BAG3: variants seen among roughly 807,000 people sequenced by gnomAD.
The protein encoded by BAG3 is BAG family molecular chaperone regulator 3.
A neutral mutation model predicts 40.5 loss-of-function variants in BAG3; 14 were observed. That is an observed-to-expected ratio of 0.35 (90% CI 0.23 to 0.54). The LOEUF (loss-of-function observed/expected upper bound fraction) is 0.54. Among genes scored for constraint, BAG3 ranks in the 20% least tolerant of loss-of-function variants. BAG3 has a pLI of 0.91. For synonymous variants in BAG3, 302 were observed against 307.8 expected (o/e 0.98, Z 0.20); for missense variants, 788 against 758.6 (o/e 1.04, Z -0.46).
intron 1 of BAG3, among the ~76,000 whole-genome samples, chr10:119,668,071 A>AGCAG (rs1324704090): frequency 6.6e-6 from 1 of 152,240 alleles, no homozygotes; most frequent in East Asian, 1.9e-4. Flanking sequence ...CTGAGAGTTA[A>AGCAG]GCAGGCTAAT....
In BAG3 at chr10:119,677,365, CA is replaced by C; in HGVS notation, c.*84del. 6.4e-7 allele frequency: 1 copy of C among 1,567,806 alleles called. No homozygotes were observed. Among genetic ancestry groups the C allele is most frequent in the Non-Finnish European group, 8.7e-7 (1 of 1,148,478 alleles). On this transcript the variant is annotated 3_prime_UTR_variant, in exon 4 of 4. Coordinates refer to ENST00000369085, the MANE Select transcript of BAG3 (RefSeq NM_004281.4). ...TGCATGCATTTCAGAGACTTTAAGT[CA>C]GTTGGTTTTTATTAGCTGCTTGGTA...
intron 1 of BAG3, among the ~76,000 whole-genome samples, chr10:119,665,142 A>ATTTTT (rs1366963228): frequency 1.1e-5 from 1 of 87,828 alleles, no homozygotes; most frequent in Non-Finnish European, 2.2e-5. Context: ...ATATATATAT[A>ATTTTT]TATTTTTTTT....
At chr10:119,675,565 C>A (rs528477273) in intron 3 of BAG3, among the ~76,000 whole-genome samples, 1 of 152,038 alleles carries the variant, frequency 6.6e-6, no homozygotes, top group African/African-American at 2.4e-5. Flanking sequence ...AAAAGAAGAT[C>A]GTATCTTTTC....
intron 1 of BAG3, among the ~76,000 whole-genome samples, chr10:119,667,499 G>A (rs182240302): frequency 6.6e-6 from 1 of 152,276 alleles, no homozygotes; most frequent in Non-Finnish European, 1.5e-5. Flanking sequence ...CAAGCTCACA[G>A]AACTGTTAGA....
chr10:119,663,047 A>T (rs553373063), intron 1 of BAG3, among the ~76,000 whole-genome samples: 47 of 152,312 alleles, frequency 3.1e-4, no homozygotes, highest in Non-Finnish European at 6.2e-4. Flanking sequence ...GCACTGTACC[A>T]TGGAGCCAAG....
intron 1 of BAG3, among the ~76,000 whole-genome samples, chr10:119,652,133 C>G (rs981891257): frequency 1.3e-5 from 2 of 152,216 alleles, no homozygotes; most frequent in South Asian, 4.1e-4. Flanking sequence ...CCGTCCACGG[C>G]TCGACTCCAG....
chr10:119,656,378 CTT>C (rs34602155), intron 1 of BAG3, among the ~76,000 whole-genome samples: 39 of 126,850 alleles, frequency 3.1e-4, no homozygotes, highest in Middle Eastern at 4.4e-3. Context: ...AGCTGGCCTT[CTT>C]TTTTTTTTTT....
In BAG3 at chr10:119,675,761, T is replaced by TTCCTTCCCTCCTTCCCTCCTTCCC. The variant is rs148952976; in HGVS notation, c.910-684_910-683insTTCCCTCCTTCCCTCCTTCCCTCC. ...GCTATTTTTTTCCTTCTTTCCTTCC[T>TTCCTTCCCTCCTTCCCTCCTTCCC]TCCTTCCCTCCTTCCCTCCCCCTCC... On this transcript the variant is annotated intron_variant, in intron 3 of 3. Transcript: ENST00000369085. Among the ~76,000 whole-genome samples the TTCCTTCCCTCCTTCCCTCCTTCCC allele has an allele frequency of 5.4e-3, 438 of 81,252 alleles. 18 individuals are homozygous for TTCCTTCCCTCCTTCCCTCCTTCCC. Among genetic ancestry groups the TTCCTTCCCTCCTTCCCTCCTTCCC allele is most frequent in the East Asian group, 7.0e-3 (20 of 2,848 alleles). 53.3% of individuals were successfully genotyped at this position (81,252 alleles called of 152,430 possible).
At position 119,676,653 on chromosome 10, in the gene BAG3, C is replaced by G. The variant is rs778793737; in HGVS notation, c.1099C>G (p.Pro367Ala). ...PPSEKVEVKV[P>A]PAPVPCPPPS... ...CTCTGAGAAGGTAGAGGTGAAAGTT[C>G]CCCCTGCTCCAGTTCCTTGTCCTCC... The change falls in exon 4 of 4, where the codon CCC (proline) becomes GCC (alanine). Residue 367 changes from proline (P) to alanine (A), a missense_variant. Physicochemically the swap from Pro to Ala is conservative, Grantham distance 27. Coordinates refer to ENST00000369085, the MANE Select transcript of BAG3 (RefSeq NM_004281.4). 3 of 1,614,154 alleles carry G rather than the reference C, an allele frequency of 1.9e-6. No individual in the cohort carries two copies. In the South Asian group the frequency reaches 3.3e-5, roughly 18 times the overall value.
At chr10:119,665,363 A>G (rs1276701887) in intron 1 of BAG3, among the ~76,000 whole-genome samples, 1 of 151,404 alleles carries the variant, frequency 6.6e-6, no homozygotes, top group African/African-American at 2.4e-5. Flanking sequence ...GATGGTCTCC[A>G]TCTCCTGACC....
intron 1 of BAG3, among the ~76,000 whole-genome samples, chr10:119,655,306 C>A (rs193117498): frequency 4.6e-4 from 70 of 152,176 alleles, no homozygotes; most frequent in African/African-American, 1.4e-3. Context: ...GGGAGGTGGT[C>A]CAGAGATCTT....
At chr10:119,668,770 C>A (rs770571862) in intron 1 of BAG3, among the ~76,000 whole-genome samples, 1 of 152,186 alleles carries the variant, frequency 6.6e-6, no homozygotes, top group Non-Finnish European at 1.5e-5. Context: ...GGCTCTGTTG[C>A]GTTGAAGAAA....
intron 1 of BAG3, among the ~76,000 whole-genome samples, chr10:119,664,734 C>T (rs1452408595): frequency 5.3e-5 from 8 of 152,146 alleles, no homozygotes; most frequent in African/African-American, 1.9e-4. Flanking sequence ...TCTGGATGTG[C>T]TTGAACTTGA....
In BAG3 at chr10:119,651,696, G is replaced by T. The variant is rs1846841906; in HGVS notation, c.21G>T (p.Ser7=). 1 of 1,586,036 alleles carries T rather than the reference G, an allele frequency of 6.3e-7. No individual in the cohort carries two copies. The highest frequency in any genetic ancestry group is 8.6e-7 in the Non-Finnish European group (1 of 1,167,590). The change falls in exon 1 of 4, where the codon TCG becomes TCT. Residue 7 remains serine (S), a synonymous_variant. Coordinates refer to ENST00000369085, the MANE Select transcript of BAG3 (RefSeq NM_004281.4). ...CCAGCATGAGCGCCGCCACCCACTC[G>T]CCCATGATGCAGGTGGCGTCCGGCA... is the stretch of plus-strand genomic sequence containing the variant. MSAATH[S]PMMQVASGNG...
chr10:119,659,288 C>T lies in BAG3; in HGVS notation c.180+7433C>T, dbSNP rs577129151. Among the ~76,000 whole-genome samples the T allele has an allele frequency of 3.3e-5, 5 of 151,238 alleles. No homozygotes were observed. The South Asian group carries it at 1.0e-3, about 32-fold the overall frequency. On this transcript the variant is annotated intron_variant, in intron 1 of 3. Coordinates refer to ENST00000369085, the MANE Select transcript of BAG3 (RefSeq NM_004281.4). ...TCCACTGTGCTGTGTAGAGCGCTGG[C>T]TTTACTCAGCCTCAGCTCCTCAAGG...
intron 3 of BAG3, among the ~76,000 whole-genome samples, chr10:119,674,540 C>T (rs196334): frequency 0.54 from 82,543 of 152,038 alleles, 23,401 homozygotes; most frequent in Non-Finnish European, 0.64. Context: ...CCAAACTGAA[C>T]GTTATAGTGG....
chr10:119,658,690 A>G (rs745417917), intron 1 of BAG3, among the ~76,000 whole-genome samples: 7 of 152,140 alleles, frequency 4.6e-5, no homozygotes, highest in Non-Finnish European at 8.8e-5. Context: ...GTTAGCATCT[A>G]CCTGGCCTTA....
At chr10:119,654,376 G>C (rs550920919) in intron 1 of BAG3, among the ~76,000 whole-genome samples, 4 of 152,170 alleles carry the variant, frequency 2.6e-5, no homozygotes, top group South Asian at 2.1e-4. Flanking sequence ...CCTCTCTTTT[G>C]GGGGAGGACT....
At chr10:119,666,165 C>G (rs536773950) in intron 1 of BAG3, among the ~76,000 whole-genome samples, 1 of 152,214 alleles carries the variant, frequency 6.6e-6, no homozygotes, top group Non-Finnish European at 1.5e-5. Flanking sequence ...TTCTTCACTT[C>G]CCAGCATGTC....
Sources: allele counts gnomAD v4.1 joint callset (sites outside exome capture counted in the v4.1 genomes callset), GRCh38; gene constraint gnomAD v4.1.1; transcripts MANE v1.5; gene names NCBI Gene and HGNC (gene_info 2026-07-23, HGNC 2026-07-21).